The following AAK1 variants were observed in gnomAD, a reference collection of about 807,000 sequenced individuals.
AAK1 encodes the protein AP2 associated kinase 1, also known as AP2-associated protein kinase 1.
Under a neutral mutation model 116.0 loss-of-function variants are expected in AAK1, and 37 were observed. That is an observed-to-expected ratio of 0.32 (90% confidence interval 0.25 to 0.42). AAK1 has a LOEUF of 0.42. Among genes scored for constraint, AAK1 ranks in the 10% least tolerant of loss-of-function variants. AAK1 has a pLI of 1.00. For missense variants in AAK1, 919 were observed against 1,170.6 expected (o/e 0.79, Z 3.14); for synonymous variants, 458 against 439.9 (o/e 1.04, Z -0.51).
intron 2 of AAK1, among the ~76,000 whole-genome samples, chr2:69,580,521 A>G (rs1292298882): frequency 6.6e-6 from 1 of 152,180 alleles, no homozygotes; most frequent in Non-Finnish European, 1.5e-5. Flanking sequence ...AAGAAGACCA[A>G]AGCAGAAGCA....
At chr2:69,539,241 AG>A (rs1670601361) in intron 5 of AAK1, among the ~76,000 whole-genome samples, 1 of 152,234 alleles carries the variant, frequency 6.6e-6, no homozygotes, top group East Asian at 1.9e-4. Context: ...CAGAAGCCAC[AG>A]GGGGAATAAG....
rs375078382 is a variant in AAK1, at chr2:69,642,955, C to G, written c.86G>C (p.Gly29Ala). The change falls in exon 2 of 22, where the codon GGC becomes GCC. Residue 29 changes from glycine (G) to alanine (A), a missense_variant. Physicochemically the swap from Gly to Ala is moderately conservative, Grantham distance 60 (BLOSUM62 0). This residue lies in a region of AAK1 where 317 missense variants were observed against 490.4 expected (regional missense o/e 0.65). Coordinates refer to ENST00000409085, the MANE Select transcript of AAK1 (RefSeq NM_014911.5). ...TCTTCCGATGTAGCCACTGCCCAGG[C>G]CCGAGGTGCTGCCCCCTCCTCCGCT... Reference protein sequence around the residue: ...GSSGGGGSTSGLGSGYIGRVF... With the variant: ...GSSGGGGSTSALGSGYIGRVF... The G allele has an allele frequency of 2.1e-5, 34 of 1,613,638 alleles. No homozygotes were observed. In the African/African-American group the frequency reaches 3.9e-4, roughly 18 times the overall value.
intron 4 of AAK1, among the ~76,000 whole-genome samples, chr2:69,543,349 G>A (rs1670798698): frequency 1.3e-5 from 2 of 152,150 alleles, no homozygotes; most frequent in Admixed American, 6.5e-5. Flanking sequence ...AATACAGTAA[G>A]GGCTAAAATT....
At chr2:69,482,644 T>A in intron 18 of AAK1, 67 bp downstream of exon 18, 1 of 1,310,300 alleles carries the variant, frequency 7.6e-7, no homozygotes, top group Non-Finnish European at 1.1e-6. Context: ...GTTAACTAGG[T>A]ACTTGTCATT....
At chr2:69,537,002 G>A (rs559835990) in intron 5 of AAK1, among the ~76,000 whole-genome samples, 11 of 152,340 alleles carry the variant, frequency 7.2e-5, no homozygotes. Flanking sequence ...TTTCTTAAGT[G>A]CTTGGACAAA....
At chr2:69,546,118 C>T (rs1259075464) in intron 3 of AAK1, among the ~76,000 whole-genome samples, 1 of 151,420 alleles carries the variant, frequency 6.6e-6, no homozygotes, top group Non-Finnish European at 1.5e-5. Context: ...TTCCCCCTGG[C>T]AAGCAGGAAG....
rs1676510160 is a variant in AAK1, at chr2:69,514,588, T to C, written c.1659A>G (p.Gln553=). The change falls in exon 13 of 22, where the codon CAA becomes CAG. Residue 553 remains glutamine, a synonymous_variant. Coordinates refer to ENST00000409085, the MANE Select transcript of AAK1 (RefSeq NM_014911.5). ...QQQQLATALH[Q]QQLMTQQAAL... is the part of the protein sequence containing the mutation. The stretch of plus-strand genomic sequence containing the variant: ...CAGCCTGCTGAGTCATCAGCTGTTG[T>C]TGATGCAGGGCTGTGGCCAGCTGTT... 1.9e-6 allele frequency: 3 copies of C among 1,582,634 alleles called. No individual in the cohort carries two copies. Among genetic ancestry groups the C allele is most frequent in the Non-Finnish European group, 2.6e-6 (3 of 1,164,308 alleles).
chr2:69,469,447 C>T lies in AAK1; in HGVS notation c.*6422G>A. On this transcript the variant is annotated 3_prime_UTR_variant, in exon 22 of 22. Transcript: ENST00000409085. ...AGGGAAAATGTGTTTTCAGGGTGAA[C>T]AGTTCCTTTATATGAAGGTAGCATT... 2.0e-6 allele frequency: 2 copies of T among 985,418 alleles called. No homozygotes were observed. Among genetic ancestry groups the T allele is most frequent in the Non-Finnish European group, 2.4e-6 (2 of 829,932 alleles). 61.0% of individuals were successfully genotyped at this position (985,418 alleles called of 1,614,324 possible).
At chr2:69,539,351 G>A (rs538313560) in intron 5 of AAK1, among the ~76,000 whole-genome samples, 3 of 152,292 alleles carry the variant, frequency 2.0e-5, no homozygotes, top group South Asian at 2.1e-4. Context: ...TGAGTCACAC[G>A]GTGGTGCAGA....
chr2:69,568,074 C>T (rs1313298753), intron 2 of AAK1, among the ~76,000 whole-genome samples: 3 of 152,194 alleles, frequency 2.0e-5, no homozygotes, highest in Non-Finnish European at 2.9e-5. Flanking sequence ...GGAGCAGCAT[C>T]GGTGCTCACA....
At chr2:69,501,894 C>A (rs1285533668) in intron 16 of AAK1, among the ~76,000 whole-genome samples, 1 of 152,066 alleles carries the variant, frequency 6.6e-6, no homozygotes, top group Admixed American at 6.6e-5. Context: ...TTGCTTGAAC[C>A]CAGGAGGCAG....
intron 17 of AAK1, among the ~76,000 whole-genome samples, chr2:69,491,137 G>A (rs1675505535): frequency 6.6e-6 from 1 of 151,832 alleles, no homozygotes; most frequent in Admixed American, 6.6e-5. Flanking sequence ...TAGATACAGG[G>A]TCTCACCACG....
rs574962084 is a variant in AAK1 at position 69,477,161 on chromosome 2, GAT to G, written c.2681-173_2681-172del. 2.9e-4 allele frequency among the ~76,000 whole-genome samples: 44 copies of G among 151,826 alleles called. No homozygotes were observed. In the East Asian group the frequency reaches 8.1e-3, roughly 28 times the overall value. On this transcript the variant is annotated intron_variant, in intron 20 of 21. Coordinates refer to ENST00000409085, the MANE Select transcript of AAK1 (RefSeq NM_014911.5). ...AAATAGCAAAACTGGAAAATACAGAGATATAGAAAAAAATGCTTTAGAGTTGG... is the reference window on the plus strand; with the variant it reads ...AAATAGCAAAACTGGAAAATACAGAGATAGAAAAAAATGCTTTAGAGTTGG...
intron 2 of AAK1, among the ~76,000 whole-genome samples, chr2:69,570,896 T>G (rs1672067144): frequency 6.6e-6 from 1 of 152,174 alleles, no homozygotes. Context: ...CTTTTCTGTA[T>G]GTACCCTGTA....
intron 2 of AAK1, among the ~76,000 whole-genome samples, chr2:69,586,768 T>G (rs1450894371): frequency 6.6e-6 from 1 of 152,200 alleles, no homozygotes; most frequent in Non-Finnish European, 1.5e-5. Context: ...AGTTTCTCAA[T>G]TCTAACAGCA....
Position 69,479,048 on chromosome 2 carries a change from C to T in AAK1, c.2583G>A (p.Gly861=). The T allele has an allele frequency of 6.2e-7, 1 of 1,612,798 alleles. No homozygotes were observed. The highest frequency in any genetic ancestry group is 8.5e-7 in the Non-Finnish European group (1 of 1,178,850). ...VTSNRTDSLT[G]EDSLLDCSLL... The stretch of plus-strand genomic sequence containing the variant: ...GAGAGCAATCAAGCAGGGAATCTTC[C>T]CCGGTGAGAGAATCTGAGTCCAGAT... Residue 861 remains glycine, a synonymous_variant, in exon 20 of 22, where the codon GGG becomes GGA. Transcript: ENST00000409085.
intron 2 of AAK1, among the ~76,000 whole-genome samples, chr2:69,599,740 C>CTTTTAAA (rs1673475458): frequency 6.6e-6 from 1 of 151,930 alleles, no homozygotes; most frequent in East Asian, 1.9e-4. Context: ...TGAATTATTG[C>CTTTTAAA]CTTGTTTTTA....
rs904533652 is a variant in AAK1, at chr2:69,467,559, T to C, written c.*8310A>G. 12 of 985,228 alleles carry C rather than the reference T, an allele frequency of 1.2e-5. No individual in the cohort carries two copies. The African/African-American group carries it at 2.1e-4, about 17-fold the overall frequency. 61.0% of individuals were successfully genotyped at this position (985,228 alleles called of 1,614,324 possible). On this transcript the variant is annotated 3_prime_UTR_variant, in exon 22 of 22. Transcript: ENST00000409085. The stretch of plus-strand genomic sequence containing the variant: ...AGGTATCATTTCATCATGGGCTCAG[T>C]AAAGAGATACTACTGGAGTTTCCCA...
rs778790062 is a variant in AAK1, at chr2:69,556,890, G to C, written c.252C>G (p.Leu84=). 1.7e-5 allele frequency: 27 copies of C among 1,613,874 alleles called. No homozygotes were observed. Among genetic ancestry groups the C allele is most frequent in the Non-Finnish European group, 2.2e-5 (26 of 1,179,814 alleles). ...TCTGGATTTCTCTCTTGCACACCTG[G>C]AGATCATGCTCATTGTTGACAAACA... ...KRMFVNNEHD[L]QVCKREIQIM... is the part of the protein sequence containing the mutation. Residue 84 remains leucine (L), a synonymous_variant, in exon 3 of 22, where the codon CTC becomes CTG. Transcript: ENST00000409085.
Sources: allele counts gnomAD v4.1 joint callset (sites outside exome capture counted in the v4.1 genomes callset), GRCh38; gene constraint gnomAD v4.1.1; regional missense constraint gnomAD v4.1.1; transcripts MANE v1.5; gene names NCBI Gene and HGNC (gene_info 2026-07-23, HGNC 2026-07-21).